Variants in ABCA12 observed in about 807,000 individuals in gnomAD.
ABCA12 encodes the protein glucosylceramide transporter ABCA12.
ABCA12 carries 156 observed loss-of-function variants against 293.5 expected under a neutral mutation model. That is an observed-to-expected ratio of 0.53 (90% CI 0.47 to 0.61). ABCA12 has a LOEUF of 0.61. ABCA12 is among the 20% of genes least tolerant of loss of function. ABCA12 has a pLI of 0.00. For missense variants in ABCA12, 2,797 were observed against 3,090.2 expected, an observed-to-expected ratio of 0.91 and a Z score of 2.25; for synonymous variants, 1,063 against 1,108.0, an observed-to-expected ratio of 0.96 and a Z score of 0.81.
chr2:215,111,815 G>T, intron 1 of ABCA12, 125 bp from the exon 2 acceptor site: 1 of 699,518 alleles, frequency 1.4e-6, no homozygotes, highest in Non-Finnish European at 2.5e-6. Context: ...ACCAACTGTA[G>T]ATATTATTAA....
rs183225277 is a variant in ABCA12, at chr2:214,993,690, A to G, written c.3295-2659T>C. 2.0e-5 allele frequency among the ~76,000 whole-genome samples: 3 copies of G among 152,338 alleles called. No homozygotes were observed. The East Asian group carries it at 5.8e-4, about 29-fold the overall frequency. ...CCCAGTGGTAATGTATGTAAGTAGG[A>G]GACAATGTCAATATATTTCCCAAGG... On this transcript the variant is annotated intron_variant, in intron 23 of 52. Coordinates refer to ENST00000272895, the MANE Select transcript of ABCA12 (RefSeq NM_173076.3).
chr2:215,062,673 T>C (rs1044444604), intron 3 of ABCA12, among the ~76,000 whole-genome samples: 4 of 132,084 alleles, frequency 3.0e-5, no homozygotes, highest in Non-Finnish European at 6.7e-5. Context: ...TCAGGATCAT[T>C]TGCTGTTTCT....
intron 2 of ABCA12, among the ~76,000 whole-genome samples, chr2:215,109,357 G>C (rs1037005246): frequency 1.4e-4 from 22 of 152,164 alleles, no homozygotes; most frequent in African/African-American, 4.8e-4. Flanking sequence ...TTGGCAAACT[G>C]TAATCTCCCT....
rs536527440 is a variant in ABCA12 at position 215,031,741 on chromosome 2, A to G, written c.1061+80T>C. ...CTATTCCATGCTTATATACACTGAT[A>G]AGCGAATTATGTTTAGAAATTGTTT... On this transcript the variant is annotated intron_variant, in intron 9 of 52. Transcript: ENST00000272895. 19 of 1,558,778 alleles carry G rather than the reference A, an allele frequency of 1.2e-5. No individual in the cohort carries two copies. The African/African-American group carries it at 2.0e-4, about 17-fold the overall frequency.
intron 1 of ABCA12, among the ~76,000 whole-genome samples, chr2:215,134,510 G>GCA (rs1703151321): frequency 1.1e-5 from 1 of 93,412 alleles, no homozygotes; most frequent in African/African-American, 5.7e-5. Flanking sequence ...ATATGCGTAT[G>GCA]TATATGTGTA....
chr2:215,052,220 T>C (rs1349396766), intron 5 of ABCA12, among the ~76,000 whole-genome samples: 1 of 152,134 alleles, frequency 6.6e-6, no homozygotes, highest in Non-Finnish European at 1.5e-5. Context: ...TCACATATTA[T>C]GCCACCCTAA....
chr2:215,053,700 C>A (rs1271920440), intron 4 of ABCA12, among the ~76,000 whole-genome samples: 1 of 151,850 alleles, frequency 6.6e-6, no homozygotes, highest in Non-Finnish European at 1.5e-5. Context: ...TCTTAAATAT[C>A]CCATGGCCTT....
intron 2 of ABCA12, among the ~76,000 whole-genome samples, chr2:215,069,581 C>T (rs947821490): frequency 6.6e-6 from 1 of 152,006 alleles, no homozygotes; most frequent in African/African-American, 2.4e-5. Context: ...CAAAGTAGTT[C>T]GTAACATTAT....
At position 214,976,013 on chromosome 2, in the gene ABCA12, C is replaced by G; in HGVS notation, c.5153G>C (p.Arg1718Thr). 2 of 1,614,014 alleles carry G rather than the reference C, an allele frequency of 1.2e-6. No homozygotes were observed. The highest frequency in any genetic ancestry group is 3.3e-5 in the Admixed American group (2 of 60,004). ...RDDKILTRGE[R>T]LDGFGLLLKK... Reference sequence around the variant, plus strand: ...CAGCAACAGTCCAAAGCCATCCAGCCTCTCTCCTCTTGTCAGGATTTTGTC... The same window carrying G: ...CAGCAACAGTCCAAAGCCATCCAGCGTCTCTCCTCTTGTCAGGATTTTGTC... Residue 1718 changes from arginine to threonine, a missense_variant, in exon 34 of 53, where the codon AGG (arginine) becomes ACG (threonine). By Grantham distance (71) the Arg-to-Thr change is moderately conservative (BLOSUM62 -1). Transcript: ENST00000272895.
chr2:215,078,474 T>C (rs976039239), intron 2 of ABCA12, among the ~76,000 whole-genome samples: 1 of 152,204 alleles, frequency 6.6e-6, no homozygotes, highest in African/African-American at 2.4e-5. Context: ...TTTCGGGTAA[T>C]GTTGCCTTCA....
chr2:214,989,767 C>A, intron 24 of ABCA12, 146 bp from the exon 25 acceptor site: 2 of 820,294 alleles, frequency 2.4e-6, no homozygotes. Context: ...ACAGCAGTCC[C>A]TTACCAACCA....
chr2:215,016,488 C>T (rs1198298183), intron 14 of ABCA12, among the ~76,000 whole-genome samples: 3 of 140,778 alleles, frequency 2.1e-5, no homozygotes. Flanking sequence ...GAGGCTGAGG[C>T]AGGAGAATGG....
intron 20 of ABCA12, among the ~76,000 whole-genome samples, 186 bp downstream of exon 20, chr2:215,004,023 T>G (rs2105992661): frequency 6.6e-6 from 1 of 152,302 alleles, no homozygotes; most frequent in Admixed American, 6.5e-5. Flanking sequence ...TAATCATGAC[T>G]ACTTGTAATT....
intron 19 of ABCA12, 100 bp downstream of exon 19, chr2:215,007,627 A>C (rs1422010668): frequency 7.6e-6 from 11 of 1,441,334 alleles, no homozygotes; most frequent in Admixed American, 1.7e-5. Flanking sequence ...TAATCTGTTG[A>C]ATACGGAAAG....
intron 36 of ABCA12, 72 bp from the exon 37 acceptor site, chr2:214,970,472 G>A (rs1349210282): frequency 1.3e-6 from 2 of 1,550,436 alleles, no homozygotes; most frequent in South Asian, 1.1e-5. Flanking sequence ...ATGTCAAGGA[G>A]CTTCAGTCTC....
chr2:215,087,445 A>G (rs1221579320), intron 2 of ABCA12, among the ~76,000 whole-genome samples: 1 of 151,948 alleles, frequency 6.6e-6, no homozygotes, highest in East Asian at 1.9e-4. Context: ...GCAAATATAG[A>G]TATGAAAAAT....
intron 1 of ABCA12, among the ~76,000 whole-genome samples, chr2:215,118,118 C>T (rs1702722171): frequency 6.6e-6 from 1 of 151,880 alleles, no homozygotes; most frequent in African/African-American, 2.4e-5. Context: ...TAAATGATAC[C>T]CAACAGGGCA....
chr2:214,993,660 T>C (rs1218674336), intron 23 of ABCA12, among the ~76,000 whole-genome samples: 2 of 152,222 alleles, frequency 1.3e-5, no homozygotes, highest in Non-Finnish European at 2.9e-5. Context: ...ACAAACATAT[T>C]TCGTCCCAGT....
Position 215,019,324 on chromosome 2 carries a change from A to G in ABCA12, c.1657+12T>C, listed in dbSNP as rs371162941. 3 of 1,594,926 alleles carry G rather than the reference A, an allele frequency of 1.9e-6. No homozygotes were observed. Among genetic ancestry groups the G allele is most frequent in the Non-Finnish European group, 2.6e-6 (3 of 1,164,392 alleles). ...TAATAAGACAAGATTTAAAATGTGG[A>G]TGGGGAAACACCTGGCTTTTCAGAA... On this transcript the variant is annotated intron_variant, in intron 13 of 52. Coordinates refer to ENST00000272895, the MANE Select transcript of ABCA12 (RefSeq NM_173076.3).
Sources: gnomAD v4.1 joint callset for allele counts (sites outside exome capture counted in the v4.1 genomes callset) on GRCh38, gnomAD v4.1.1 for gene constraint, MANE v1.5 for transcripts, NCBI Gene and HGNC (gene_info 2026-07-23, HGNC 2026-07-21) for gene names.